The following NBPF3 variants were observed in gnomAD, a reference collection of about 807,000 sequenced individuals.
NBPF3 encodes the protein NBPF family member NBPF3.
NBPF3 carries 57 observed loss-of-function variants against 78.1 expected under a neutral mutation model. That is an observed-to-expected ratio of 0.73 (90% CI 0.59 to 0.91). NBPF3 has a LOEUF of 0.91. Ranked by LOEUF, NBPF3 falls within the 40% of genes least tolerant of loss-of-function variation. NBPF3 has a pLI of 0.00. For synonymous variants in NBPF3, 182 were observed against 271.7 expected (o/e 0.67, Z 3.25); for missense variants, 510 against 715.3 (o/e 0.71, Z 3.27).
At chr1:21,478,572 G>A (rs529017675) in intron 9 of NBPF3, among the ~76,000 whole-genome samples, 4 of 152,354 alleles carry the variant, frequency 2.6e-5, no homozygotes, top group East Asian at 1.9e-4. Context: ...CAAGACGGGC[G>A]TGGCAAACTC....
chr1:21,450,156 T>TG (rs1275755431), intron 2 of NBPF3, among the ~76,000 whole-genome samples: 2 of 103,748 alleles, frequency 1.9e-5, no homozygotes, highest in Non-Finnish European at 4.5e-5. Flanking sequence ...GGGCTGGCTG[T>TG]GTTTTTTTTC....
intron 2 of NBPF3, chr1:21,446,350 A>G (rs2147901545): frequency 6.6e-6 from 1 of 152,318 alleles, no homozygotes; most frequent in African/African-American, 2.4e-5. Flanking sequence ...ACAGTAGCGC[A>G]TCTTTCTCTA....
At chr1:21,441,825 A>T (rs1372695908) in intron 1 of NBPF3, among the ~76,000 whole-genome samples, 6 of 152,116 alleles carry the variant, frequency 3.9e-5, no homozygotes, top group Admixed American at 3.9e-4. Context: ...TTAGAGGTAT[A>T]TGAATGATAA....
At chr1:21,452,148 T>C (rs1378718175) in intron 2 of NBPF3, among the ~76,000 whole-genome samples, 1 of 152,236 alleles carries the variant, frequency 6.6e-6, no homozygotes, top group Non-Finnish European at 1.5e-5. Flanking sequence ...TAAGGTTTTA[T>C]TGCAAAGTGT....
At chr1:21,444,377 T>C (rs2147894777) in intron 1 of NBPF3, among the ~76,000 whole-genome samples, 1 of 152,356 alleles carries the variant, frequency 6.6e-6, no homozygotes, top group East Asian at 1.9e-4. Flanking sequence ...ATATACAATA[T>C]ATGTGTACAG....
upstream of NBPF3, among the ~76,000 whole-genome samples, chr1:21,439,794 G>A (rs1014121372): frequency 6.6e-6 from 1 of 152,138 alleles, no homozygotes; most frequent in African/African-American, 2.4e-5. Context: ...TGGGCACGCG[G>A]GGACGCTCCG....
rs1391047241 is a variant in NBPF3 at position 21,476,887 on chromosome 1, A to G, written c.993-1257A>G. On this transcript the variant is annotated intron_variant, in intron 8 of 14. Coordinates refer to ENST00000318249, the MANE Select transcript of NBPF3 (RefSeq NM_032264.6). The surrounding 1 kb of genome is among the most constrained non-coding windows in gnomAD (Gnocchi z 4.1). ...GAAGAGTGTTTTCCAACTTGGTTCC[A>G]TTCTCCCCGTCACTTTCAGGTACAC... 6.6e-6 allele frequency among the ~76,000 whole-genome samples: 1 copy of G among 152,034 alleles called. No homozygotes were observed. Among genetic ancestry groups the G allele is most frequent in the Non-Finnish European group, 1.5e-5 (1 of 68,006 alleles).
upstream of NBPF3, among the ~76,000 whole-genome samples, chr1:21,439,151 C>T (rs185102834): frequency 5.2e-4 from 79 of 152,224 alleles, no homozygotes; most frequent in African/African-American, 1.6e-3. Context: ...TGGTGGCACA[C>T]GCCTGTAGTC....
At chr1:21,437,554 G>A, upstream of NBPF3, 2 of 1,194,606 alleles carry the variant, frequency 1.7e-6, no homozygotes, top group Non-Finnish European at 2.3e-6. Flanking sequence ...GTCTGAGCTG[G>A]GGGCTACTGA....
intron 2 of NBPF3, chr1:21,468,119 G>T (rs7541779): frequency 0.73 from 114,258 of 156,470 alleles, 42,534 homozygotes; most frequent in South Asian, 0.9. Context: ...TGTTTTAACT[G>T]AGAGCAGGTG....
In NBPF3 at chr1:21,471,756, C is replaced by T. The variant is rs72872297; in HGVS notation, c.634C>T (p.Gln212Ter). 6.2e-7 allele frequency: 1 copy of T among 1,613,100 alleles called. No homozygotes were observed. The highest frequency in any genetic ancestry group is 8.5e-7 in the Non-Finnish European group (1 of 1,179,828). Residue 212 changes from glutamine to a stop codon, truncating the protein, a stop_gained, in exon 5 of 15, where the codon CAG becomes TAG. Coordinates refer to ENST00000318249, the MANE Select transcript of NBPF3 (RefSeq NM_032264.6). LOFTEE classifies it high-confidence loss of function. ...EQLAEGCRLAQHLVQKLSPEN... is the reference protein window; with the variant it reads ...EQLAEGCRLA ...GCTGGCTGAGGGATGTAGGCTGGCA[C>T]AGCACCTCGTCCAAAAGCTCAGCCC...
upstream of NBPF3, among the ~76,000 whole-genome samples, chr1:21,439,812 GA>G (rs1640516294): frequency 6.6e-6 from 1 of 152,136 alleles, no homozygotes; most frequent in South Asian, 2.1e-4. Flanking sequence ...CCGGGCCTCC[GA>G]GGGGGTGTGT....
intron 2 of NBPF3, chr1:21,449,896 G>T: frequency 1.5e-6 from 1 of 646,720 alleles, no homozygotes; most frequent in Non-Finnish European, 1.9e-6. Context: ...AAAGTTGAGG[G>T]CAATATTTTT....
At chr1:21,474,631 G>A (rs1045765659) in intron 7 of NBPF3, among the ~76,000 whole-genome samples, 1 of 152,140 alleles carries the variant, frequency 6.6e-6, no homozygotes, top group African/African-American at 2.4e-5. Context: ...GACTTTGGGG[G>A]GAAAATTTTG....
chr1:21,455,958 A>AC (rs1641577481), intron 2 of NBPF3, among the ~76,000 whole-genome samples: 1 of 152,174 alleles, frequency 6.6e-6, no homozygotes, highest in African/African-American at 2.4e-5. Flanking sequence ...CAGGTATCCA[A>AC]CTGAGACACT....
At position 21,459,698 on chromosome 1, in the gene NBPF3, A is replaced by C. The variant is rs1207802634; in HGVS notation, c.134-8990A>C. The C allele has an allele frequency of 2.1e-5, 8 of 376,888 alleles. No homozygotes were observed. The Admixed American group carries it at 2.2e-4, about 10-fold the overall frequency. 23.3% of individuals were successfully genotyped at this position (376,888 alleles called of 1,614,324 possible). ...AACGCTGAAGATGGGAGGCCATTTC[A>C]TAACATTTCTTGTTGATGAAACTGC... On this transcript the variant is annotated intron_variant, in intron 2 of 14. Transcript: ENST00000318249.
chr1:21,483,081 G>C (rs1426799182), intron 14 of NBPF3, 62 bp from the exon 15 acceptor site: 14 of 1,608,676 alleles, frequency 8.7e-6, no homozygotes, highest in Admixed American at 5.0e-5. Context: ...CTGAAATCTA[G>C]TTGGGGCTCT....
At position 21,450,157 on chromosome 1, in the gene NBPF3, G is replaced by GTT. The variant is rs11415493; in HGVS notation, c.133+4945_133+4946dup. ...TAAAATTCAGAAATGGGCTGGCTGT[G>GTT]TTTTTTTTCTAGAGCTCAAGCTATT... is the stretch of plus-strand genomic sequence containing the variant. On this transcript the variant is annotated intron_variant, in intron 2 of 14. Transcript: ENST00000318249. Among the ~76,000 whole-genome samples, 10 of 151,864 alleles carry GTT rather than the reference G, an allele frequency of 6.6e-5. No individual in the cohort carries two copies. In the East Asian group the frequency reaches 9.7e-4, roughly 15 times the overall value.
At chr1:21,465,455 C>T (rs1399669470) in intron 2 of NBPF3, among the ~76,000 whole-genome samples, 1 of 152,230 alleles carries the variant, frequency 6.6e-6, no homozygotes, top group Non-Finnish European at 1.5e-5. Context: ...GGGGTGGGAC[C>T]CATTGAGCTG....
Sources: gnomAD v4.1 joint callset for allele counts (sites outside exome capture counted in the v4.1 genomes callset) on GRCh38, gnomAD v4.1.1 for gene constraint, Gnocchi (gnomAD v3.1) non-coding constraint, MANE v1.5 for transcripts, NCBI Gene and HGNC (gene_info 2026-07-23, HGNC 2026-07-21) for gene names.